PPFIA2: variants seen among roughly 807,000 people sequenced by gnomAD.
The protein encoded by PPFIA2 is PPFI scaffold protein A2.
Under a neutral mutation model 175.5 loss-of-function variants are expected in PPFIA2, and 46 were observed. That is an observed-to-expected ratio of 0.26 (90% CI 0.21 to 0.34). The LOEUF is 0.34. Ranked by LOEUF, PPFIA2 falls within the 10% of genes least tolerant of loss-of-function variation. The pLI, the probability that PPFIA2 is intolerant of heterozygous loss-of-function variation, is 1.00. For synonymous variants in PPFIA2, 568 were observed against 511.4 expected, an observed-to-expected ratio of 1.11 and a Z score of -1.49; for missense variants, 1,179 against 1,506.1, an observed-to-expected ratio of 0.78 and a Z score of 3.60.
intron 30 of PPFIA2, among the ~76,000 whole-genome samples, chr12:81,264,368 T>C (rs1337679487): frequency 1.3e-5 from 2 of 152,230 alleles, no homozygotes; most frequent in Non-Finnish European, 2.9e-5. Flanking sequence ...CAATATATAA[T>C]TCAGCAGTCA....
At chr12:81,477,684 T>C (rs1456299102) in intron 4 of PPFIA2, among the ~76,000 whole-genome samples, 1 of 152,218 alleles carries the variant, frequency 6.6e-6, no homozygotes, top group Non-Finnish European at 1.5e-5. Context: ...TCATTGGTTC[T>C]GTTTATGTGA....
chr12:81,431,011 T>TAATTGAA (rs2048005916), intron 7 of PPFIA2: 1 of 152,224 alleles, frequency 6.6e-6, no homozygotes, highest in African/African-American at 2.4e-5. Context: ...TGGAAAATTC[T>TAATTGAA]AATTGAAAAT....
rs147454431 is a variant in PPFIA2, at chr12:81,460,500, G to A, written c.304-2634C>T. Among the ~76,000 whole-genome samples, 747 of 152,192 alleles carry A rather than the reference G, an allele frequency of 4.9e-3. 6 individuals carry two copies. The highest frequency in any genetic ancestry group is 0.017 in the African/African-American group (697 of 41,528). The stretch of plus-strand genomic sequence containing the variant: ...ATGATCCCCCTTAATTAGTCCAAGA[G>A]TGTGGGGAACTAGAAGGTCCAAAGT... On this transcript the variant is annotated intron_variant, in intron 4 of 32. Transcript: ENST00000549396.
At chr12:81,607,872 A>T (rs1050407532) in intron 4 of PPFIA2, among the ~76,000 whole-genome samples, 8 of 152,018 alleles carry the variant, frequency 5.3e-5, no homozygotes, top group Non-Finnish European at 1.0e-4. Flanking sequence ...GTCTGGTTCC[A>T]TTTCTCAAGG....
chr12:81,476,178 T>C (rs2057453152), intron 4 of PPFIA2, among the ~76,000 whole-genome samples: 1 of 152,198 alleles, frequency 6.6e-6, no homozygotes, highest in South Asian at 2.1e-4. Flanking sequence ...AGCAAATATC[T>C]ACAGGGTGCT....
At chr12:81,733,890 G>A (rs1208476645) in intron 3 of PPFIA2, among the ~76,000 whole-genome samples, 1 of 151,504 alleles carries the variant, frequency 6.6e-6, no homozygotes, top group Non-Finnish European at 1.5e-5. Flanking sequence ...ATTTTATCCT[G>A]TAACCTACAT....
At chr12:81,720,298 G>A (rs747511285) in intron 3 of PPFIA2, among the ~76,000 whole-genome samples, 3 of 151,472 alleles carry the variant, frequency 2.0e-5, no homozygotes, top group Non-Finnish European at 4.4e-5. Flanking sequence ...ACAGTAAAAT[G>A]CTTTGGGGGA....
Position 81,348,955 on chromosome 12 carries a change from G to A in PPFIA2, c.1995-1185C>T, listed in dbSNP as rs186969934. The stretch of plus-strand genomic sequence containing the variant: ...TGGGATCCCCTCTTATATAGAACCT[G>A]TACCTTCAAGTTTATGATCACTTCA... On this transcript the variant is annotated intron_variant, in intron 17 of 32. Transcript: ENST00000549396. Among the ~76,000 whole-genome samples the A allele has an allele frequency of 5.3e-4, 81 of 152,230 alleles. 1 individual carries two copies. The highest frequency in any genetic ancestry group is 1.9e-3 in the African/African-American group (79 of 41,560).
At position 81,755,132 on chromosome 12, in the gene PPFIA2, A is replaced by G. The variant is rs188184273; in HGVS notation, c.-2-909T>C. The stretch of plus-strand genomic sequence containing the variant: ...GCTAATGTAGTAACTTCACATCTCA[A>G]CCGCCAATCACAAGTTCTCAGTCAT... On this transcript the variant is annotated intron_variant, in intron 2 of 32. Transcript: ENST00000549396. Among the ~76,000 whole-genome samples, 360 of 152,320 alleles carry G rather than the reference A, an allele frequency of 2.4e-3. 2 individuals carry two copies. Among genetic ancestry groups the G allele is most frequent in the African/African-American group, 7.9e-3 (328 of 41,576 alleles).
chr12:81,731,621 G>A lies in PPFIA2; in HGVS notation c.249+22352C>T, dbSNP rs557943669. Among the ~76,000 whole-genome samples, 14 of 151,696 alleles carry A rather than the reference G, an allele frequency of 9.2e-5. No homozygotes were observed. The South Asian group carries it at 2.7e-3, about 29-fold the overall frequency. ...ATAAGGTTGAAATAGTATTAAAAGT[G>A]ATATATCATTATATGAGTATATCAA... On this transcript the variant is annotated intron_variant, in intron 3 of 32. Coordinates refer to ENST00000549396, the MANE Select transcript of PPFIA2 (RefSeq NM_003625.5).
Position 81,268,073 on chromosome 12 carries a change from TCCACACCAACA to T in PPFIA2, c.3314_3324del (p.Val1105GlufsTer3). ...ATCCAGCGAATAACTCGGTCATTGC[TCCACACCAACA>T]CGTCTAGGAAAAGAGATGCATCATT... On this transcript the variant is annotated frameshift_variant, in exon 29 of 33. Coordinates refer to ENST00000549396, the MANE Select transcript of PPFIA2 (RefSeq NM_003625.5). LOFTEE classifies it high-confidence loss of function. 6.3e-7 allele frequency: 1 copy of T among 1,594,548 alleles called. No homozygotes were observed. The highest frequency in any genetic ancestry group is 8.6e-7 in the Non-Finnish European group (1 of 1,169,518).
At chr12:81,440,646 T>G (rs1480436804) in intron 6 of PPFIA2, among the ~76,000 whole-genome samples, 3 of 152,004 alleles carry the variant, frequency 2.0e-5, no homozygotes, top group Non-Finnish European at 2.9e-5. Context: ...TACCAAAGGT[T>G]AAACCATTGT....
intron 4 of PPFIA2, among the ~76,000 whole-genome samples, chr12:81,475,113 T>C (rs780003892): frequency 1.1e-4 from 16 of 152,208 alleles, no homozygotes; most frequent in Non-Finnish European, 1.6e-4. Flanking sequence ...GACAGAACAC[T>C]AGAAGCTTTA....
At chr12:81,495,421 T>TA (rs539822456) in intron 4 of PPFIA2, among the ~76,000 whole-genome samples, 3 of 152,152 alleles carry the variant, frequency 2.0e-5, no homozygotes, top group Non-Finnish European at 4.4e-5. Flanking sequence ...TTCCTTTTTT[T>TA]ATAACACAGA....
chr12:81,423,711 C>T (rs2046682785), intron 7 of PPFIA2, among the ~76,000 whole-genome samples: 1 of 152,088 alleles, frequency 6.6e-6, no homozygotes, highest in African/African-American at 2.4e-5. Context: ...ACTTTTACTA[C>T]TTCTTTTTGA....
intron 4 of PPFIA2, among the ~76,000 whole-genome samples, chr12:81,559,358 T>G (rs1391464196): frequency 6.6e-6 from 1 of 152,204 alleles, no homozygotes; most frequent in Non-Finnish European, 1.5e-5. Context: ...GCAAGGATAT[T>G]ATAGGACAAT....
chr12:81,493,756 A>C (rs200232594), intron 4 of PPFIA2, among the ~76,000 whole-genome samples: 13 of 76,808 alleles, frequency 1.7e-4, no homozygotes, highest in African/African-American at 4.8e-4. Context: ...GTGTGTGTCT[A>C]TATATATATA....
chr12:81,289,782 A>C (rs2044413463), intron 24 of PPFIA2, among the ~76,000 whole-genome samples: 1 of 151,864 alleles, frequency 6.6e-6, no homozygotes, highest in Non-Finnish European at 1.5e-5. Flanking sequence ...GCAATTCTTT[A>C]ACATTTCTGT....
intron 22 of PPFIA2, among the ~76,000 whole-genome samples, chr12:81,317,834 C>A (rs761170391): frequency 5.9e-5 from 9 of 151,666 alleles, no homozygotes; most frequent in Non-Finnish European, 8.9e-5. Context: ...TACAGAGGAT[C>A]ACAGAATCTC....
Sources: gnomAD v4.1 joint callset for allele counts (sites outside exome capture counted in the v4.1 genomes callset) on GRCh38, gnomAD v4.1.1 for gene constraint, MANE v1.5 for transcripts, NCBI Gene and HGNC (gene_info 2026-07-23, HGNC 2026-07-21) for gene names.